The following ASXL1 variants were observed in gnomAD, a reference collection of about 807,000 sequenced individuals.
ASXL1 encodes polycomb group protein ASXL1.
A neutral mutation model predicts 89.1 loss-of-function variants in ASXL1; 65 were observed. That is an observed-to-expected ratio of 0.73 (90% confidence interval 0.60 to 0.90). ASXL1 has a LOEUF of 0.90. Among genes scored for constraint, ASXL1 ranks in the 40% least tolerant of loss-of-function variants. The pLI is 0.00. For synonymous variants in ASXL1, 739 were observed against 746.9 expected, an observed-to-expected ratio of 0.99 and a Z score of 0.17; for missense variants, 1,786 against 1,942.9, an observed-to-expected ratio of 0.92 and a Z score of 1.52.
intron 4 of ASXL1, among the ~76,000 whole-genome samples, chr20:32,396,988 A>G (rs1310442164): frequency 7.4e-6 from 1 of 134,488 alleles, no homozygotes; most frequent in Admixed American, 7.8e-5. Context: ...AAAATTAAAC[A>G]TTGCAAAAAA....
chr20:32,434,645 G>GC lies in ASXL1; in HGVS notation c.1933_1934insC (p.Gly645AlafsTer13). On this transcript the variant is annotated frameshift_variant, in exon 13 of 13. Coordinates refer to ENST00000375687, the MANE Select transcript of ASXL1 (RefSeq NM_015338.6). LOFTEE classifies it low-confidence loss of function (END_TRUNC). Reference sequence around the variant, plus strand: ...GGCCACCACTGCCATCGGAGGGGGGGGTGGCCCGGGTGGAGGTGGCGGCGG... The same window carrying GC: ...GGCCACCACTGCCATCGGAGGGGGGGCGTGGCCCGGGTGGAGGTGGCGGCGG... 1 of 1,605,416 alleles carries GC rather than the reference G, an allele frequency of 6.2e-7. No homozygotes were observed. Among genetic ancestry groups the GC allele is most frequent in the Non-Finnish European group, 8.5e-7 (1 of 1,175,846 alleles).
At chr20:32,373,842 T>G (rs1346464174) in intron 4 of ASXL1, among the ~76,000 whole-genome samples, 2 of 152,042 alleles carry the variant, frequency 1.3e-5, no homozygotes, top group Non-Finnish European at 2.9e-5. Context: ...CACTCTAGCC[T>G]GGGTGACAGA....
At position 32,366,564 on chromosome 20, in the gene ASXL1, G is replaced by A. The variant is rs1046629434; in HGVS notation, c.140+98G>A. 72 of 1,596,182 alleles carry A rather than the reference G, an allele frequency of 4.5e-5. No homozygotes were observed. In the African/African-American group the frequency reaches 8.8e-4, roughly 19 times the overall value. ...AGTAAGTACACCTGTGTATGTATTT[G>A]TGCTTCTGTGTCTGGTAGTGAGATG... On this transcript the variant is annotated intron_variant, in intron 2 of 12. Transcript: ENST00000375687.
chr20:32,433,330 G>C lies in ASXL1; in HGVS notation c.1132G>C (p.Glu378Gln). The change falls in exon 12 of 13, where the codon GAG becomes CAG. Residue 378 changes from glutamate to glutamine, a missense_variant. Physicochemically the swap from Glu to Gln is conservative, Grantham distance 29. Transcript: ENST00000375687. The part of the protein sequence containing the change: ...EESLQQNVGQ[E>Q]EAEIKSGLCV... ...GTCATTGCAGCAGAACGTGGGCCAG[G>C]AGGAGGCTGAAATCAAAAGTGGCTT... 1 of 1,614,200 alleles carries C rather than the reference G, an allele frequency of 6.2e-7. No individual in the cohort carries two copies. Among genetic ancestry groups the C allele is most frequent in the Non-Finnish European group, 8.5e-7 (1 of 1,180,032 alleles).
intron 4 of ASXL1, chr20:32,371,982 A>G (rs1040394968): frequency 5.8e-6 from 3 of 512,856 alleles, no homozygotes; most frequent in Admixed American, 3.3e-5. Context: ...GTTTATTACA[A>G]ATATGCCTGT....
chr20:32,420,092 T>C (rs1033181474), intron 4 of ASXL1, among the ~76,000 whole-genome samples: 1 of 152,118 alleles, frequency 6.6e-6, no homozygotes, highest in Non-Finnish European at 1.5e-5. Context: ...CCAAAATCTT[T>C]TACTAGGTCT....
chr20:32,358,867 C>T (rs2048057616), intron 1 of ASXL1, 35 bp downstream of exon 1: 2 of 1,473,304 alleles, frequency 1.4e-6, no homozygotes, highest in Non-Finnish European at 1.8e-6. Context: ...TCCGTGGGGC[C>T]CGGGGTGGGG....
chr20:32,425,260 G>C (rs1171315093), intron 4 of ASXL1, among the ~76,000 whole-genome samples: 1 of 152,072 alleles, frequency 6.6e-6, no homozygotes. Flanking sequence ...TTCTGCCTTT[G>C]GCAGCCACTT....
intron 4 of ASXL1, among the ~76,000 whole-genome samples, chr20:32,374,854 A>G (rs529396944): frequency 1.3e-5 from 2 of 152,292 alleles, no homozygotes; most frequent in Non-Finnish European, 2.9e-5. Context: ...ATACATATAT[A>G]TATATTTTTA....
At position 32,434,574 on chromosome 20, in the gene ASXL1, C is replaced by T. The variant is rs2145357867; in HGVS notation, c.1862C>T (p.Ala621Val). The change falls in exon 13 of 13, where the codon GCT (alanine) becomes GTT (valine). Residue 621 changes from alanine (A) to valine (V), a missense_variant. Ala to Val is a moderately conservative substitution (Grantham distance 64, BLOSUM62 0). Coordinates refer to ENST00000375687, the MANE Select transcript of ASXL1 (RefSeq NM_015338.6). ...ARTLADIKARALQVRGARGHH... is the reference protein window; with the variant it reads ...ARTLADIKARVLQVRGARGHH... ...ACCCTCGCAGACATTAAAGCCCGTG[C>T]TCTGCAGGTCCGAGGGGCGAGAGGT... The T allele has an allele frequency of 6.2e-7, 1 of 1,613,514 alleles. No individual in the cohort carries two copies. Among genetic ancestry groups the T allele is most frequent in the African/African-American group, 1.3e-5 (1 of 75,042 alleles).
chr20:32,396,459 G>A (rs998914234), intron 4 of ASXL1, among the ~76,000 whole-genome samples: 1 of 152,096 alleles, frequency 6.6e-6, no homozygotes, highest in South Asian at 2.1e-4. Flanking sequence ...GTTTATTTTT[G>A]TAAGGGTATA....
At chr20:32,359,229 C>T (rs1383635680) in intron 1 of ASXL1, 5 of 701,002 alleles carry the variant, frequency 7.1e-6, no homozygotes, top group South Asian at 1.5e-5. Flanking sequence ...GCTCCTCCCT[C>T]GCTTCCTGGT....
At chr20:32,393,263 C>T (rs1388696075) in intron 4 of ASXL1, among the ~76,000 whole-genome samples, 1 of 152,116 alleles carries the variant, frequency 6.6e-6, no homozygotes, top group Non-Finnish European at 1.5e-5. Flanking sequence ...AATGACAGAA[C>T]TTACTTTGTC....
intron 4 of ASXL1, among the ~76,000 whole-genome samples, chr20:32,387,715 A>G (rs1189493248): frequency 6.6e-6 from 1 of 152,074 alleles, no homozygotes; most frequent in Non-Finnish European, 1.5e-5. Flanking sequence ...TTTGCTAACT[A>G]TTCTCTTTGC....
At chr20:32,371,978 T>C (rs2048307335) in intron 4 of ASXL1, 2 of 490,058 alleles carry the variant, frequency 4.1e-6, no homozygotes, top group South Asian at 4.1e-5. Context: ...ATATGTTTAT[T>C]ACAAATATGC....
chr20:32,413,433 ATAAC>A (rs2049083212), intron 4 of ASXL1, among the ~76,000 whole-genome samples: 1 of 152,236 alleles, frequency 6.6e-6, no homozygotes. Context: ...TGTAGATAAA[ATAAC>A]AAAGATGGGA....
rs897817330 is a variant in ASXL1 at position 32,359,302 on chromosome 20, A to C, written c.57+470A>C. 1.1e-5 allele frequency: 8 copies of C among 702,456 alleles called. No individual in the cohort carries two copies. Among genetic ancestry groups the C allele is most frequent in the Admixed American group, 8.0e-5 (4 of 50,000 alleles). 43.5% of individuals were successfully genotyped at this position (702,456 alleles called of 1,614,324 possible). On this transcript the variant is annotated intron_variant, in intron 1 of 12. Coordinates refer to ENST00000375687, the MANE Select transcript of ASXL1 (RefSeq NM_015338.6). Reference sequence around the variant, plus strand: ...AAGCGACCCCACATTCAAGGACGCCAATGGCATGTTGAGCTTTCCCAATCT... The same window carrying C: ...AAGCGACCCCACATTCAAGGACGCCCATGGCATGTTGAGCTTTCCCAATCT...
chr20:32,387,751 A>ATG (rs1260560497), intron 4 of ASXL1, among the ~76,000 whole-genome samples: 1 of 152,120 alleles, frequency 6.6e-6, no homozygotes, highest in East Asian at 1.9e-4. Context: ...TCTGTCATTG[A>ATG]TGACTTCCAA....
At chr20:32,434,204 C>T (rs1012236997) in intron 12 of ASXL1, 21 of 699,500 alleles carry the variant, frequency 3.0e-5, no homozygotes, top group Non-Finnish European at 4.2e-5. Flanking sequence ...TCACACAGTC[C>T]CACCAGAAAT....
Sources: gnomAD v4.1 joint callset for allele counts (sites outside exome capture counted in the v4.1 genomes callset) on GRCh38, gnomAD v4.1.1 for gene constraint, MANE v1.5 for transcripts, NCBI Gene and HGNC (gene_info 2026-07-23, HGNC 2026-07-21) for gene names.